Variants in NCAM2 observed in about 807,000 individuals in gnomAD.
NCAM2 encodes neural cell adhesion molecule 2, also known as N-CAM-2.
NCAM2 carries 30 observed loss-of-function variants against 98.1 expected under a neutral mutation model. The ratio of observed to expected loss-of-function variants is 0.31; its 90% CI spans 0.23 to 0.41. NCAM2 has a LOEUF of 0.41. Ranked by LOEUF, NCAM2 falls within the 10% of genes least tolerant of loss-of-function variation. NCAM2 has a pLI of 1.00. For synonymous variants in NCAM2, 368 were observed against 342.4 expected (o/e 1.07, Z -0.83); for missense variants, 867 against 1,005.8 (o/e 0.86, Z 1.87).
chr21:21,107,290 T>C (rs1048714362), intron 1 of NCAM2, among the ~76,000 whole-genome samples: 2 of 152,124 alleles, frequency 1.3e-5, no homozygotes, highest in African/African-American at 4.8e-5. Flanking sequence ...TTACATGACC[T>C]GTCCAGCACT....
chr21:21,006,484 G>C (rs1235880106), intron 1 of NCAM2, among the ~76,000 whole-genome samples: 1 of 152,138 alleles, frequency 6.6e-6, no homozygotes, highest in South Asian at 2.1e-4. Flanking sequence ...ACTCCAGCCT[G>C]GGTGACAGAG....
intron 8 of NCAM2, among the ~76,000 whole-genome samples, chr21:21,362,966 G>T (rs567625527): frequency 2.0e-5 from 3 of 152,156 alleles, no homozygotes; most frequent in Non-Finnish European, 2.9e-5. Context: ...ATTTAATTCC[G>T]AAGTTCACTA....
At chr21:21,434,296 T>G (rs2077420085) in intron 12 of NCAM2, among the ~76,000 whole-genome samples, 1 of 152,196 alleles carries the variant, frequency 6.6e-6, no homozygotes, top group African/African-American at 2.4e-5. Flanking sequence ...TTGGTGAGTC[T>G]AGAATATGAA....
At chr21:21,456,469 A>G (rs1006660554) in intron 12 of NCAM2, among the ~76,000 whole-genome samples, 2 of 152,162 alleles carry the variant, frequency 1.3e-5, no homozygotes, top group Non-Finnish European at 2.9e-5. Context: ...ATCAGCATGG[A>G]TTTACATTTT....
intron 1 of NCAM2, among the ~76,000 whole-genome samples, chr21:21,086,191 G>C (rs2065902602): frequency 6.6e-6 from 1 of 152,202 alleles, no homozygotes; most frequent in Non-Finnish European, 1.5e-5. Flanking sequence ...AGGGAAATCA[G>C]GAAGGTGATG....
chr21:21,507,121 A>G (rs1460464157), intron 15 of NCAM2, among the ~76,000 whole-genome samples: 1 of 151,914 alleles, frequency 6.6e-6, no homozygotes, highest in Non-Finnish European at 1.5e-5. Flanking sequence ...AAAAAAAAAT[A>G]AAATAATGTA....
At chr21:21,424,117 C>T (rs1409016601) in intron 11 of NCAM2, among the ~76,000 whole-genome samples, 2 of 152,152 alleles carry the variant, frequency 1.3e-5, no homozygotes, top group African/African-American at 4.8e-5. Context: ...GACAAGTCTA[C>T]ATCTTGATTT....
At chr21:21,194,584 C>G (rs1042393999) in intron 1 of NCAM2, among the ~76,000 whole-genome samples, 1 of 152,096 alleles carries the variant, frequency 6.6e-6, no homozygotes, top group Non-Finnish European at 1.5e-5. Flanking sequence ...ATAAATCTTA[C>G]TGGTAGCTGT....
chr21:21,135,203 G>A (rs982694973), intron 1 of NCAM2, among the ~76,000 whole-genome samples: 8 of 139,496 alleles, frequency 5.7e-5, no homozygotes, highest in African/African-American at 1.6e-4. Flanking sequence ...CCAAGATTGC[G>A]CCACTGCACT....
intron 1 of NCAM2, among the ~76,000 whole-genome samples, chr21:21,221,620 T>C (rs1174352838): frequency 6.6e-6 from 1 of 152,202 alleles, no homozygotes; most frequent in Non-Finnish European, 1.5e-5. Flanking sequence ...AATACCCTAG[T>C]ATTATTCAAT....
chr21:21,224,893 T>G (rs1249334880), intron 1 of NCAM2, among the ~76,000 whole-genome samples: 2 of 152,170 alleles, frequency 1.3e-5, no homozygotes, highest in Non-Finnish European at 2.9e-5. Flanking sequence ...AGAGCTCTGC[T>G]TCATTATATA....
chr21:21,412,471 G>C (rs1353524347), intron 10 of NCAM2, among the ~76,000 whole-genome samples: 1 of 138,148 alleles, frequency 7.2e-6, no homozygotes, highest in Non-Finnish European at 1.6e-5. Flanking sequence ...AGACTAATGT[G>C]TAATTTCTGC....
chr21:21,476,201 AATTT>A (rs1985148465), intron 14 of NCAM2, among the ~76,000 whole-genome samples: 1 of 152,052 alleles, frequency 6.6e-6, no homozygotes, highest in African/African-American at 2.4e-5. Context: ...GACAGGCTGT[AATTT>A]ATTTATATTT....
chr21:21,067,577 T>C (rs1366739285), intron 1 of NCAM2, among the ~76,000 whole-genome samples: 1 of 152,190 alleles, frequency 6.6e-6, no homozygotes, highest in African/African-American at 2.4e-5. Flanking sequence ...ATACATTCTA[T>C]AGTCTTTCTT....
chr21:21,447,912 G>T (rs1229764310), intron 12 of NCAM2, among the ~76,000 whole-genome samples: 1 of 152,120 alleles, frequency 6.6e-6, no homozygotes, highest in African/African-American at 2.4e-5. Context: ...CAGAGAGGTT[G>T]TGGAGTAATA....
intron 1 of NCAM2, among the ~76,000 whole-genome samples, chr21:21,162,395 A>G (rs2067812025): frequency 6.6e-6 from 1 of 152,156 alleles, no homozygotes; most frequent in South Asian, 2.1e-4. Flanking sequence ...TACATAAAAC[A>G]TAAAGATGAA....
chr21:21,250,765 C>T lies in NCAM2; in HGVS notation c.56-29813C>T, dbSNP rs541535245. Among the ~76,000 whole-genome samples the T allele has an allele frequency of 9.2e-5, 14 of 152,250 alleles. 1 individual carries two copies. The South Asian group carries it at 2.9e-3, about 32-fold the overall frequency. ...AGAAAATTTCAACTGCAAACTTTCACTTCATTATGAATATATTATAAAGTG... is the reference window on the plus strand; with the variant it reads ...AGAAAATTTCAACTGCAAACTTTCATTTCATTATGAATATATTATAAAGTG... On this transcript the variant is annotated intron_variant, in intron 1 of 17. Transcript: ENST00000400546.
intron 6 of NCAM2, among the ~76,000 whole-genome samples, chr21:21,332,011 T>A (rs1025070748): frequency 4.6e-5 from 7 of 152,042 alleles, no homozygotes; most frequent in Non-Finnish European, 8.8e-5. Context: ...CAAGTGATTC[T>A]CTTGCTTCAA....
chr21:21,425,146 G>A (rs2077189126), intron 11 of NCAM2, among the ~76,000 whole-genome samples: 1 of 147,604 alleles, frequency 6.8e-6, no homozygotes, highest in Non-Finnish European at 1.5e-5. Context: ...CATGATTCAT[G>A]TATCTTAGAA....
Sources: allele counts gnomAD v4.1 joint callset (sites outside exome capture counted in the v4.1 genomes callset), GRCh38; gene constraint gnomAD v4.1.1; transcripts MANE v1.5; gene names NCBI Gene and HGNC (gene_info 2026-07-23, HGNC 2026-07-21).